The following DMC1 variants were observed in gnomAD, a reference collection of about 807,000 sequenced individuals.
DMC1 encodes meiotic recombination protein DMC1 homolog.
A neutral mutation model predicts 50.1 loss-of-function variants in DMC1; 27 were observed. That is an observed-to-expected ratio of 0.54 (90% CI 0.40 to 0.74). The LOEUF is 0.74. DMC1 is among the 30% of genes least tolerant of loss of function. The probability of loss-of-function intolerance (pLI) is 0.00; values close to 1 mark genes in which losing one functional copy is unlikely to be tolerated. For synonymous variants in DMC1, 148 were observed against 136.1 expected (o/e 1.09, Z -0.61); for missense variants, 295 against 420.2 (o/e 0.70, Z 2.60).
intron 6 of DMC1, 99 bp from the exon 7 acceptor site, chr22:38,552,806 CT>C (rs1265951866): frequency 5.0e-6 from 4 of 803,478 alleles, no homozygotes; most frequent in Non-Finnish European, 8.3e-6. Context: ...TTTTCTTTTT[CT>C]TTTCCAACTG....
At chr22:38,564,363 G>A (rs1001589805) in intron 4 of DMC1, among the ~76,000 whole-genome samples, 1 of 152,024 alleles carries the variant, frequency 6.6e-6, no homozygotes, top group South Asian at 2.1e-4. Context: ...AGGCTGGAGC[G>A]TAGTGGCGTG....
intron 8 of DMC1, among the ~76,000 whole-genome samples, chr22:38,547,167 G>A (rs1264274909): frequency 1.3e-5 from 2 of 151,096 alleles, no homozygotes; most frequent in African/African-American, 4.9e-5. Flanking sequence ...CTTCCAAGTA[G>A]CTGGGATTTA....
chr22:38,528,672 G>C (rs1363653336), intron 12 of DMC1, among the ~76,000 whole-genome samples: 3 of 151,988 alleles, frequency 2.0e-5, no homozygotes, highest in Non-Finnish European at 4.4e-5. Flanking sequence ...CTGGTTCTGT[G>C]CTGCCTTGGA....
At position 38,545,056 on chromosome 22, in the gene DMC1, A is replaced by G. The variant is rs530811837; in HGVS notation, c.494+4869T>C. On this transcript the variant is annotated intron_variant, in intron 8 of 13. Transcript: ENST00000216024. ...GTCACTGATCATCAGAGAAATGCAA[A>G]TCAAAACTACAATGAAATATCATCT... Among the ~76,000 whole-genome samples the G allele has an allele frequency of 3.9e-5, 6 of 152,160 alleles. No homozygotes were observed. In the South Asian group the frequency reaches 1.0e-3, roughly 26 times the overall value.
chr22:38,522,184 CTCATGA>C (rs2090036333), intron 12 of DMC1, among the ~76,000 whole-genome samples: 1 of 151,388 alleles, frequency 6.6e-6, no homozygotes. Flanking sequence ...AACTCCTGAC[CTCATGA>C]TCTGCCCGCC....
downstream of DMC1, among the ~76,000 whole-genome samples, chr22:38,515,485 AAAAAAAG>A (rs1326266533): frequency 3.5e-4 from 52 of 150,528 alleles, 1 homozygote; most frequent in East Asian, 1.6e-3. Context: ...TCAAAAAAAA[AAAAAAAG>A]AAAGAAAAAA....
intron 12 of DMC1, among the ~76,000 whole-genome samples, chr22:38,525,239 G>A (rs956528156): frequency 3.9e-5 from 6 of 152,140 alleles, no homozygotes; most frequent in Non-Finnish European, 7.4e-5. Context: ...ATACAGAGAT[G>A]ACAATTTGGG....
the DMC1 span, among the ~76,000 whole-genome samples, chr22:38,510,563 T>C: frequency 2.0e-5 from 3 of 152,304 alleles, no homozygotes; most frequent in Non-Finnish European, 1.5e-5. Flanking sequence ...ACCCCAGATA[T>C]ACAAGTGAGG....
At chr22:38,553,513 AAAAG>A (rs1488547278) in intron 6 of DMC1, among the ~76,000 whole-genome samples, 1 of 150,142 alleles carries the variant, frequency 6.7e-6, no homozygotes, top group Admixed American at 6.6e-5. Context: ...AAAAAAAAAA[AAAAG>A]AAAGTTTAAG....
At chr22:38,523,531 A>G (rs1391628398) in intron 12 of DMC1, among the ~76,000 whole-genome samples, 3 of 152,146 alleles carry the variant, frequency 2.0e-5, no homozygotes, top group African/African-American at 7.2e-5. Flanking sequence ...TTATTTATTT[A>G]CTTATTGTAT....
At chr22:38,537,403 G>A (rs1017353626) in intron 12 of DMC1, among the ~76,000 whole-genome samples, 189 bp downstream of exon 12, 2 of 151,898 alleles carry the variant, frequency 1.3e-5, no homozygotes, top group South Asian at 4.1e-4. Context: ...TAGTAGAGAC[G>A]GGGTTTCACT....
At chr22:38,539,266 A>G in intron 9 of DMC1, 55 bp downstream of exon 9, 1 of 1,273,418 alleles carries the variant, frequency 7.9e-7, no homozygotes. Flanking sequence ...CAAGTAGTAA[A>G]TCAGTGCTGC....
the DMC1 span, among the ~76,000 whole-genome samples, chr22:38,513,169 T>G: frequency 2.0e-5 from 3 of 151,536 alleles, no homozygotes; most frequent in Admixed American, 2.0e-4. Context: ...TCTGAGCCAC[T>G]CAGCAGTCTA....
intron 8 of DMC1, among the ~76,000 whole-genome samples, chr22:38,543,013 G>C (rs759721190): frequency 2.2e-4 from 33 of 152,116 alleles, no homozygotes; most frequent in Non-Finnish European, 3.5e-4. Context: ...GCAGAAGAAT[G>C]AAATTAGACC....
rs2145888527 is a variant in DMC1 at position 38,542,879 on chromosome 22, T to C, written c.495-3467A>G. Reference sequence around the variant, plus strand: ...ATGCATAGACCAATGGAACAGAATATAAAACTCAGAAACAAATCCACACAC... The same window carrying C: ...ATGCATAGACCAATGGAACAGAATACAAAACTCAGAAACAAATCCACACAC... On this transcript the variant is annotated intron_variant, in intron 8 of 13. Coordinates refer to ENST00000216024, the MANE Select transcript of DMC1 (RefSeq NM_007068.4). 1.3e-5 allele frequency among the ~76,000 whole-genome samples: 2 copies of C among 152,210 alleles called. 1 individual carries two copies. The highest frequency in any genetic ancestry group is 4.1e-4 in the South Asian group (2 of 4,830).
chr22:38,555,144 A>G (rs1387680775), intron 6 of DMC1, among the ~76,000 whole-genome samples: 1 of 152,144 alleles, frequency 6.6e-6, no homozygotes, highest in Middle Eastern at 3.2e-3. Flanking sequence ...TAAAAGATGA[A>G]AAGTGTTGAT....
intron 4 of DMC1, among the ~76,000 whole-genome samples, chr22:38,564,648 T>C (rs150967857): frequency 1.3e-5 from 2 of 152,306 alleles, no homozygotes; most frequent in African/African-American, 2.4e-5. Flanking sequence ...TAAAAAAGAA[T>C]AAACAGTTTA....
At chr22:38,524,917 C>T (rs1185343911) in intron 12 of DMC1, among the ~76,000 whole-genome samples, 8 of 151,916 alleles carry the variant, frequency 5.3e-5, no homozygotes, top group African/African-American at 1.5e-4. Flanking sequence ...CAAAATTAGC[C>T]GGGTGTGGTG....
At chr22:38,513,358 T>C in the DMC1 span, among the ~76,000 whole-genome samples, 6 of 152,146 alleles carry the variant, frequency 3.9e-5, no homozygotes, top group Non-Finnish European at 7.3e-5. Context: ...ACTACCTGAA[T>C]TGGGGAGAGG....
Sources: gnomAD v4.1 joint callset for allele counts (sites outside exome capture counted in the v4.1 genomes callset) on GRCh38, gnomAD v4.1.1 for gene constraint, MANE v1.5 for transcripts, NCBI Gene and HGNC (gene_info 2026-07-23, HGNC 2026-07-21) for gene names.